Variants in USP50 observed in about 807,000 individuals in gnomAD.
The protein encoded by USP50 is ubiquitin specific peptidase 50.
USP50 carries 37 observed loss-of-function variants against 39.2 expected under a neutral mutation model. That is an observed-to-expected ratio of 0.94 (90% CI 0.73 to 1.24). The LOEUF is 1.24. Ranked by LOEUF, USP50 falls within the 50% of genes most tolerant of loss-of-function variation. The pLI is 0.00. For synonymous variants in USP50, 139 were observed against 144.5 expected (o/e 0.96, Z 0.27); for missense variants, 374 against 398.2 (o/e 0.94, Z 0.52).
At chr15:50,521,161 C>T (rs1358144222) in intron 6 of USP50, among the ~76,000 whole-genome samples, 2 of 152,156 alleles carry the variant, frequency 1.3e-5, no homozygotes, top group African/African-American at 2.4e-5. Context: ...CGTGCCTCAG[C>T]CTCCCGAGTA....
chr15:50,494,575 A>C lies in USP50; in HGVS notation n.185-445T>G, dbSNP rs2052300905. Reference sequence around the variant, plus strand: ...AAAATCATAAACAAATGATCTTATAAAAGATTATAGACAGTTTGAGCATTT... The same window carrying C: ...AAAATCATAAACAAATGATCTTATACAAGATTATAGACAGTTTGAGCATTT... On this transcript the variant is annotated intron_variant and non_coding_transcript_variant, in intron 1 of 1. Coordinates refer to the USP50 transcript ENST00000560159. 2.0e-5 allele frequency among the ~76,000 whole-genome samples: 3 copies of C among 152,252 alleles called. No individual in the cohort carries two copies. In the South Asian group the frequency reaches 6.2e-4, roughly 31 times the overall value.
At chr15:50,525,029 C>G (rs963020174) in intron 6 of USP50, among the ~76,000 whole-genome samples, 7 of 152,140 alleles carry the variant, frequency 4.6e-5, no homozygotes, top group African/African-American at 1.7e-4. Context: ...TGGAATCAAA[C>G]TAAGTGTCTG....
intron 6 of USP50, chr15:50,509,132 C>CCA (rs2052704439): frequency 2.4e-5 from 1 of 41,378 alleles, no homozygotes; most frequent in African/African-American, 9.5e-5. Flanking sequence ...GACTCCGTCA[C>CCA]AAAAAAAAAA....
intron 5 of USP50, 78 bp from the exon 6 acceptor site, chr15:50,530,007 T>G: frequency 6.4e-7 from 1 of 1,573,450 alleles, no homozygotes; most frequent in Non-Finnish European, 8.6e-7. Flanking sequence ...ATTCCGAGTA[T>G]TTTAAAAGTA....
chr15:50,531,028 C>T (rs72739001), intron 5 of USP50, among the ~76,000 whole-genome samples: 5,157 of 151,952 alleles, frequency 0.034, 105 homozygotes, highest in Middle Eastern at 0.099. Context: ...GTTTGTAAAT[C>T]TGGGCTCACA....
At chr15:50,516,919 A>G (rs1596009861) in intron 6 of USP50, among the ~76,000 whole-genome samples, 1 of 152,156 alleles carries the variant, frequency 6.6e-6, no homozygotes, top group East Asian at 1.9e-4. Context: ...CTAAACATAT[A>G]AAGCAATTAC....
At chr15:50,513,877 G>C (rs915633361) in intron 6 of USP50, 1 of 152,166 alleles carries the variant, frequency 6.6e-6, no homozygotes, top group Non-Finnish European at 1.5e-5. Context: ...ACTAAAGCCA[G>C]ACATATGCGT....
downstream of USP50, chr15:50,498,711 A>G: frequency 1.2e-6 from 2 of 1,608,106 alleles, no homozygotes; most frequent in Non-Finnish European, 1.7e-6. Flanking sequence ...GAAGAAATAT[A>G]ATTTGTTTTC....
intron 6 of USP50, chr15:50,512,989 C>G (rs933208057): frequency 1.3e-5 from 2 of 152,128 alleles, no homozygotes; most frequent in African/African-American, 4.8e-5. Flanking sequence ...GTAAATGACT[C>G]TTTCCAATCA....
chr15:50,522,258 C>G (rs1235512223), intron 6 of USP50, among the ~76,000 whole-genome samples: 2 of 151,762 alleles, frequency 1.3e-5, no homozygotes, highest in African/African-American at 2.4e-5. Flanking sequence ...GACCCCATCT[C>G]TACAAAAGAT....
chr15:50,502,796 A>T (rs915183512), intron 6 of USP50: 10 of 152,312 alleles, frequency 6.6e-5, no homozygotes, highest in African/African-American at 2.4e-4. Flanking sequence ...CCATGTCCAG[A>T]ATGAAAATGG....
intron 6 of USP50, among the ~76,000 whole-genome samples, chr15:50,517,715 T>G (rs538066299): frequency 2.0e-5 from 3 of 151,858 alleles, no homozygotes; most frequent in South Asian, 4.2e-4. Context: ...GCAAAAGCAG[T>G]TTTTTTTGTT....
At chr15:50,525,654 ATG>A (rs2052888684) in intron 6 of USP50, among the ~76,000 whole-genome samples, 1 of 83,676 alleles carries the variant, frequency 1.2e-5, no homozygotes, top group Non-Finnish European at 2.5e-5. Flanking sequence ...GTATATGTAT[ATG>A]TATATATGTA....
chr15:50,532,738 G>C (rs2052950788), intron 5 of USP50, among the ~76,000 whole-genome samples: 1 of 152,172 alleles, frequency 6.6e-6, no homozygotes, highest in African/African-American at 2.4e-5. Flanking sequence ...AACGAATAAA[G>C]TAGACAGCAT....
At chr15:50,504,565 A>T (rs1391578680) in intron 6 of USP50, 1 of 152,264 alleles carries the variant, frequency 6.6e-6, no homozygotes, top group Non-Finnish European at 1.5e-5. Flanking sequence ...ACCATTTTAT[A>T]TAGGGCCCTT....
At chr15:50,528,442 TC>T (rs749760981) in intron 6 of USP50, among the ~76,000 whole-genome samples, 2 of 152,116 alleles carry the variant, frequency 1.3e-5, no homozygotes, top group Non-Finnish European at 2.9e-5. Flanking sequence ...GCCACTGAGC[TC>T]AGCAATAATT....
chr15:50,546,337 CCTT>C, intron 1 of USP50, 133 bp downstream of exon 1: 2 of 785,078 alleles, frequency 2.5e-6, no homozygotes, highest in Non-Finnish European at 4.3e-6. Flanking sequence ...GTACAATCTT[CCTT>C]CCTTTCCGGG....
intron 6 of USP50, among the ~76,000 whole-genome samples, chr15:50,527,562 C>T (rs1000436438): frequency 2.6e-5 from 4 of 151,994 alleles, no homozygotes; most frequent in Non-Finnish European, 5.9e-5. Context: ...CTGAGGACCA[C>T]ACCTTAAGTA....
chr15:50,536,558 T>G (rs2052981836), intron 5 of USP50, among the ~76,000 whole-genome samples: 1 of 152,020 alleles, frequency 6.6e-6, no homozygotes, highest in Non-Finnish European at 1.5e-5. Context: ...GGAGAATCAC[T>G]TGAACCTGGG....
Sources: gnomAD v4.1 joint callset for allele counts (sites outside exome capture counted in the v4.1 genomes callset) on GRCh38, gnomAD v4.1.1 for gene constraint, MANE v1.5 for transcripts, NCBI Gene and HGNC (gene_info 2026-07-23, HGNC 2026-07-21) for gene names.